CLOCK: variants seen among roughly 807,000 people sequenced by gnomAD.
CLOCK encodes the protein circadian locomoter output cycles protein kaput.
In CLOCK, 43 loss-of-function variants were observed where a neutral mutation model predicts 118.4. That is an observed-to-expected ratio of 0.36 (90% CI 0.28 to 0.47). The LOEUF (loss-of-function observed/expected upper bound fraction) is 0.47. Among genes scored for constraint, CLOCK ranks in the 20% least tolerant of loss-of-function variants. The pLI is 1.00. For missense variants in CLOCK, 846 were observed against 999.9 expected (o/e 0.85, Z 2.08); for synonymous variants, 326 against 339.2 (o/e 0.96, Z 0.43).
At chr4:55,497,421 G>A (rs1728151067) in intron 2 of CLOCK, among the ~76,000 whole-genome samples, 1 of 152,100 alleles carries the variant, frequency 6.6e-6, no homozygotes, top group Non-Finnish European at 1.5e-5. Context: ...CTAACATAGT[G>A]GCAGGTTCCA....
At chr4:55,520,587 A>C (rs1260046799) in intron 1 of CLOCK, among the ~76,000 whole-genome samples, 3 of 152,230 alleles carry the variant, frequency 2.0e-5, no homozygotes, top group African/African-American at 7.2e-5. Context: ...ATTTAAAATA[A>C]ATAAATCCAC....
chr4:55,521,896 T>C (rs1729867950), intron 1 of CLOCK, among the ~76,000 whole-genome samples: 1 of 152,166 alleles, frequency 6.6e-6, no homozygotes, highest in African/African-American at 2.4e-5. Context: ...TACAATAATT[T>C]GAAGAAGAAA....
At chr4:55,440,302 A>C (rs1012236323) in intron 21 of CLOCK, among the ~76,000 whole-genome samples, 4 of 152,186 alleles carry the variant, frequency 2.6e-5, no homozygotes, top group African/African-American at 9.7e-5. Flanking sequence ...TCTGTGCTAG[A>C]ATTCATTAAT....
rs1722673999 is a variant in CLOCK at position 55,433,772 on chromosome 4, T to C, written c.*1643A>G. 1.3e-5 allele frequency: 2 copies of C among 152,212 alleles called. No homozygotes were observed. Among genetic ancestry groups the C allele is most frequent in the African/African-American group, 4.8e-5 (2 of 41,454 alleles). 9.4% of individuals were successfully genotyped at this position (152,212 alleles called of 1,614,324 possible). On this transcript the variant is annotated 3_prime_UTR_variant, in exon 23 of 23. Transcript: ENST00000513440. ...TGTATGTAACTTGTATTGGAATTTA[T>C]TACTTTTAGAATATGATATTGCCAA...
chr4:55,489,314 C>A (rs1478453320), intron 3 of CLOCK, 60 bp downstream of exon 3: 1 of 152,090 alleles, frequency 6.6e-6, no homozygotes, highest in Non-Finnish European at 1.5e-5. Flanking sequence ...TTGATGAATT[C>A]TTTTATTTTT....
chr4:55,537,285 C>T (rs963080689), intron 1 of CLOCK, among the ~76,000 whole-genome samples: 1 of 152,070 alleles, frequency 6.6e-6, no homozygotes, highest in African/African-American at 2.4e-5. Flanking sequence ...TCAAGACCAA[C>T]ATGGGCAACA....
intron 1 of CLOCK, among the ~76,000 whole-genome samples, chr4:55,515,798 T>C (rs1352321825): frequency 6.6e-6 from 1 of 152,224 alleles, no homozygotes; most frequent in East Asian, 1.9e-4. Flanking sequence ...CTTTTCTATG[T>C]ATTCCACGCT....
Position 55,438,542 on chromosome 4 carries a change from T to A in CLOCK, c.2106-5A>T, listed in dbSNP as rs1248911328. 6.2e-7 allele frequency: 1 copy of A among 1,612,992 alleles called. No individual in the cohort carries two copies. The highest frequency in any genetic ancestry group is 8.5e-7 in the Non-Finnish European group (1 of 1,179,976). On this transcript the variant is annotated splice_region_variant and splice_polypyrimidine_tract_variant and intron_variant, in intron 21 of 22. Coordinates refer to ENST00000513440, the MANE Select transcript of CLOCK (RefSeq NM_004898.4). ...AGTTGTTGACCTTGAGAAAATCTGT[T>A]AGAAGAAAGAAGGAAAAAAATTGGA...
chr4:55,518,906 A>G (rs1196104393), intron 1 of CLOCK, among the ~76,000 whole-genome samples: 1 of 152,202 alleles, frequency 6.6e-6, no homozygotes, highest in Non-Finnish European at 1.5e-5. Flanking sequence ...TGAATCCCAG[A>G]TCATCAATGA....
Position 55,449,633 on chromosome 4 carries a change from T to C in CLOCK, c.1349-137A>G, listed in dbSNP as rs558486992. 3 of 723,676 alleles carry C rather than the reference T, an allele frequency of 4.1e-6. No homozygotes were observed. The South Asian group carries it at 5.0e-5, about 12-fold the overall frequency. 44.8% of individuals were successfully genotyped at this position (723,676 alleles called of 1,614,324 possible). ...AACCATTCAATGAAAGTGAAGTCCA[T>C]GACAGATGATTCAATGTAGTTACTT... On this transcript the variant is annotated intron_variant, in intron 16 of 22. Transcript: ENST00000513440.
Position 55,544,165 on chromosome 4 carries a change from G to GACACACAC in CLOCK, c.-290+2609_-290+2616dup, listed in dbSNP as rs35842826. Among the ~76,000 whole-genome samples, 971 of 148,198 alleles carry GACACACAC rather than the reference G, an allele frequency of 6.6e-3. 10 individuals carry two copies. Among genetic ancestry groups the GACACACAC allele is most frequent in the African/African-American group, 0.022 (890 of 40,284 alleles). ...TGTACACTTTCATGAGAAACAACCA[G>GACACACAC]ACACACACACACACACACACACACA... On this transcript the variant is annotated intron_variant, in intron 1 of 22. Coordinates refer to ENST00000513440, the MANE Select transcript of CLOCK (RefSeq NM_004898.4).
rs551195215 is a variant in CLOCK, at chr4:55,442,312, T to C, written c.2105+120A>G. On this transcript the variant is annotated intron_variant, in intron 21 of 22. Transcript: ENST00000513440. ...TGTTTTTATTTCAAATTTAAGAACA[T>C]TGGCTGCAGTGAGCATCTCATTAAA... 210 of 819,920 alleles carry C rather than the reference T, an allele frequency of 2.6e-4. 2 individuals are homozygous for C. Among genetic ancestry groups the C allele is most frequent in the African/African-American group, 1.3e-3 (74 of 58,646 alleles). The allele number at this position is 819,920 out of a possible 1,614,324, so 50.8% of individuals were successfully genotyped here. A position where few individuals can be genotyped will look rare whatever the true frequency, so the allele number is the denominator to read the frequency against.
intron 16 of CLOCK, 89 bp downstream of exon 16, chr4:55,449,999 AAAG>A: frequency 6.9e-7 from 1 of 1,446,170 alleles, no homozygotes; most frequent in East Asian, 2.3e-5. Context: ...TTATAATTTT[AAAG>A]AAGCGTTTGA....
chr4:55,518,295 G>A lies in CLOCK; in HGVS notation c.-289-8230C>T, dbSNP rs78569319. Among the ~76,000 whole-genome samples the A allele has an allele frequency of 3.1e-3, 469 of 152,228 alleles. 3 individuals are homozygous for A. The highest frequency in any genetic ancestry group is 0.011 in the African/African-American group (461 of 41,540). Reference sequence around the variant, plus strand: ...GAGCCATGAGAAAACTGGCCTATTTGGGGTAAATGCAGAGGAGAGAGGACG... The same window carrying A: ...GAGCCATGAGAAAACTGGCCTATTTAGGGTAAATGCAGAGGAGAGAGGACG... On this transcript the variant is annotated intron_variant, in intron 1 of 22. Coordinates refer to ENST00000513440, the MANE Select transcript of CLOCK (RefSeq NM_004898.4).
intron 2 of CLOCK, among the ~76,000 whole-genome samples, chr4:55,495,672 C>G (rs552913857): frequency 6.6e-6 from 1 of 152,130 alleles, no homozygotes; most frequent in South Asian, 2.1e-4. Context: ...CAAAATGATC[C>G]CCCAAAACTG....
At chr4:55,538,594 A>T (rs1341057269) in intron 1 of CLOCK, among the ~76,000 whole-genome samples, 1 of 152,164 alleles carries the variant, frequency 6.6e-6, no homozygotes, top group Non-Finnish European at 1.5e-5. Flanking sequence ...ATGTGTAATT[A>T]GGATCCAAAA....
intron 1 of CLOCK, among the ~76,000 whole-genome samples, chr4:55,528,015 C>G (rs1334248329): frequency 1.4e-5 from 2 of 147,290 alleles, no homozygotes; most frequent in Non-Finnish European, 3.0e-5. Context: ...CTGAGCAACA[C>G]AGCAAGACCC....
intron 2 of CLOCK, among the ~76,000 whole-genome samples, chr4:55,506,932 T>C (rs1728841382): frequency 6.6e-6 from 1 of 152,178 alleles, no homozygotes; most frequent in South Asian, 2.1e-4. Context: ...AATTCTTAGA[T>C]TAGAGGTTTA....
chr4:55,482,873 G>A, intron 3 of CLOCK, 45 bp from the exon 4 acceptor site: 1 of 926,052 alleles, frequency 1.1e-6, no homozygotes, highest in East Asian at 2.5e-5. Context: ...TTCTAAAAAT[G>A]TTACTTCCAC....
Sources: allele counts gnomAD v4.1 joint callset (sites outside exome capture counted in the v4.1 genomes callset), GRCh38; gene constraint gnomAD v4.1.1; transcripts MANE v1.5; gene names NCBI Gene and HGNC (gene_info 2026-07-23, HGNC 2026-07-21).